The following AKNA variants were observed in gnomAD, a reference collection of about 807,000 sequenced individuals.
AKNA encodes the protein AT-hook transcription factor, also known as microtubule organization protein AKNA.
AKNA carries 67 observed loss-of-function variants against 138.8 expected under a neutral mutation model. The ratio of observed to expected loss-of-function variants is 0.48; its 90% CI spans 0.40 to 0.59. The LOEUF is 0.59. Ranked by LOEUF, AKNA falls within the 20% of genes least tolerant of loss-of-function variation. The pLI, the probability that AKNA is intolerant of heterozygous loss-of-function variation, is 0.00. For synonymous variants in AKNA, 737 were observed against 754.4 expected, an observed-to-expected ratio of 0.98 and a Z score of 0.38; for missense variants, 1,813 against 1,880.4, an observed-to-expected ratio of 0.96 and a Z score of 0.66.
chr9:114,355,982 G>T lies in AKNA; in HGVS notation c.3001C>A (p.Pro1001Thr). 6.2e-7 allele frequency: 1 copy of T among 1,614,214 alleles called. No individual in the cohort carries two copies. The highest frequency in any genetic ancestry group is 8.5e-7 in the Non-Finnish European group (1 of 1,180,038). ...AAGTTGGGTGCCCTCTGCCGGAGAGGCCCACTTGGGCTGGAGAGGTACCTC... is the reference window on the plus strand; with the variant it reads ...AAGTTGGGTGCCCTCTGCCGGAGAGTCCCACTTGGGCTGGAGAGGTACCTC... ...AQRYLSSPSG[P>T]LRQRAPNFSL... is the part of the protein sequence containing the mutation. Residue 1001 changes from proline (P) to threonine (T), a missense_variant, in exon 14 of 22, where the codon CCT (proline) becomes ACT (threonine). By Grantham distance (38) the Pro-to-Thr change is conservative. Transcript: ENST00000374088.
At chr9:114,374,324 T>TTGTG (rs1471365010) in intron 3 of AKNA, among the ~76,000 whole-genome samples, 157 bp from the exon 4 acceptor site, 1 of 152,242 alleles carries the variant, frequency 6.6e-6, no homozygotes, top group African/African-American at 2.4e-5. Flanking sequence ...ATCTTCAGGC[T>TTGTG]TGTGTGCAAC....
In AKNA at chr9:114,377,529, G is replaced by C; in HGVS notation, c.278C>G (p.Ala93Gly). 1.3e-6 allele frequency: 2 copies of C among 1,592,504 alleles called. No individual in the cohort carries two copies. Among genetic ancestry groups the C allele is most frequent in the Non-Finnish European group, 1.7e-6 (2 of 1,169,356 alleles). ...SESGETSGEE[A>G]EAEDVDSPAS... Reference sequence around the variant, plus strand: ...TGGGCTGTCCACATCCTCTGCTTCAGCCTCTGGAAAGACAGGCCATTCACT... The same window carrying C: ...TGGGCTGTCCACATCCTCTGCTTCACCCTCTGGAAAGACAGGCCATTCACT... Residue 93 changes from alanine (A) to glycine (G), a missense_variant, in exon 3 of 22, where the codon GCT becomes GGT. By Grantham distance (60) the Ala-to-Gly change is moderately conservative (BLOSUM62 0). Coordinates refer to ENST00000374088, the MANE Select transcript of AKNA (RefSeq NM_001317950.2).
At chr9:114,361,631 G>A (rs1296465461) in intron 9 of AKNA, 73 bp downstream of exon 9, 8 of 1,489,186 alleles carry the variant, frequency 5.4e-6, no homozygotes, top group Admixed American at 1.7e-5. Context: ...TATGTAATAC[G>A]TATTGAAGAA....
chr9:114,346,093 C>G (rs1301719519), intron 17 of AKNA, 84 bp from the exon 18 acceptor site: 1 of 1,398,856 alleles, frequency 7.1e-7, no homozygotes, highest in Non-Finnish European at 9.9e-7. Flanking sequence ...TGAGTTTAGG[C>G]TCTGGGGTGG....
chr9:114,363,814 T>C (rs534666982), intron 7 of AKNA, among the ~76,000 whole-genome samples: 4 of 152,274 alleles, frequency 2.6e-5, no homozygotes, highest in East Asian at 1.9e-4. Context: ...TCAGTCTTTG[T>C]TGGGTCCCCT....
chr9:114,356,286 C>T, intron 13 of AKNA, 150 bp from the exon 14 acceptor site: 1 of 707,660 alleles, frequency 1.4e-6, no homozygotes, highest in Non-Finnish European at 2.3e-6. Flanking sequence ...CAAGGACACA[C>T]ACACATTAGA....
chr9:114,387,756 C>G (rs1195059879), intron 1 of AKNA, 104 bp downstream of exon 1: 2 of 223,942 alleles, frequency 8.9e-6, no homozygotes, highest in South Asian at 8.1e-5. Flanking sequence ...CTGCAACTTC[C>G]TGGCTGGGCT....
At chr9:114,333,020 T>A, downstream of AKNA, 3 of 1,598,566 alleles carry the variant, frequency 1.9e-6, no homozygotes, top group Non-Finnish European at 2.6e-6. Context: ...TCCCACCCTG[T>A]CCCCATGCCT....
At chr9:114,352,090 G>A (rs996675624) in intron 14 of AKNA, among the ~76,000 whole-genome samples, 1 of 152,158 alleles carries the variant, frequency 6.6e-6, no homozygotes, top group Non-Finnish European at 1.5e-5. Flanking sequence ...GGGGCAGGAG[G>A]GAAGTGGGTG....
intron 6 of AKNA, 107 bp downstream of exon 6, chr9:114,367,436 G>T: frequency 7.3e-7 from 1 of 1,360,742 alleles, no homozygotes; most frequent in Non-Finnish European, 1.0e-6. Flanking sequence ...CAGAGGCAGG[G>T]GAATGACAAG....
intron 13 of AKNA, 68 bp downstream of exon 13, chr9:114,356,795 G>T: frequency 7.4e-7 from 1 of 1,352,934 alleles, no homozygotes; most frequent in Non-Finnish European, 1.0e-6. Flanking sequence ...GGCCATCACA[G>T]GCACTGTGAT....
intron 14 of AKNA, among the ~76,000 whole-genome samples, chr9:114,351,506 T>G (rs1249726): frequency 0.6 from 90,649 of 151,964 alleles, 28,013 homozygotes; most frequent in African/African-American, 0.78. Context: ...CACTAATCCG[T>G]CCCCTGCATT....
At position 114,337,133 on chromosome 9, in the gene AKNA, G is replaced by A; in HGVS notation, c.4241C>T (p.Ser1414Phe). ...RAVQAAESVR[S>F]TTRQMRSSLS... The stretch of plus-strand genomic sequence containing the variant: ...CGAGCTTCTCATCTGCCTGGTGGTA[G>A]AGCGGACGCTCTCGGCAGCCTGCAC... Residue 1414 changes from serine (S) to phenylalanine (F), a missense_variant, in exon 22 of 22, where the codon TCT becomes TTT. Transcript: ENST00000374088. The A allele has an allele frequency of 6.2e-7, 1 of 1,609,382 alleles. No homozygotes were observed. The highest frequency in any genetic ancestry group is 8.5e-7 in the Non-Finnish European group (1 of 1,177,850).
At chr9:114,338,790 C>G (rs968057045) in intron 21 of AKNA, among the ~76,000 whole-genome samples, 3 of 152,226 alleles carry the variant, frequency 2.0e-5, no homozygotes, top group Admixed American at 6.5e-5. Flanking sequence ...AGGTAAAAAG[C>G]TGGCACTGCC....
At chr9:114,355,546 G>C (rs1444143774) in intron 14 of AKNA, among the ~76,000 whole-genome samples, 1 of 152,240 alleles carries the variant, frequency 6.6e-6, no homozygotes, top group African/African-American at 2.4e-5. Context: ...AAACATGTGA[G>C]TGAAGTGTTG....
Position 114,359,786 on chromosome 9 carries a change from C to T in AKNA, c.2300G>A (p.Ser767Asn). Residue 767 changes from serine (S) to asparagine (N), a missense_variant, in exon 11 of 22, where the codon AGT becomes AAT. Coordinates refer to ENST00000374088, the MANE Select transcript of AKNA (RefSeq NM_001317950.2). The part of the protein sequence containing the change: ...VYHGLMERYL[S>N]VKSLPEAMRM... Reference sequence around the variant, plus strand: ...CATGGCTTCTGGGAGAGACTTCACACTGAGGTACCTGCAGAAGAACACACA... The same window carrying T: ...CATGGCTTCTGGGAGAGACTTCACATTGAGGTACCTGCAGAAGAACACACA... 6.3e-7 allele frequency: 1 copy of T among 1,599,176 alleles called. No individual in the cohort carries two copies. The highest frequency in any genetic ancestry group is 1.7e-5 in the Admixed American group (1 of 59,364).
rs773094084 is a variant in AKNA at position 114,347,768 on chromosome 9, G to A, written c.3354C>T (p.Gly1118=). 1.9e-6 allele frequency: 3 copies of A among 1,542,620 alleles called. No homozygotes were observed. The highest frequency in any genetic ancestry group is 2.6e-6 in the Non-Finnish European group (3 of 1,142,942). Reference sequence around the variant, plus strand: ...AGGTGGCTGGGGAGTCTGCTGGCCGGCCGCGGGTCCGGGCGGGGCGGTCAA... The same window carrying A: ...AGGTGGCTGGGGAGTCTGCTGGCCGACCGCGGGTCCGGGCGGGGCGGTCAA... ...SAFDRPARTR[G]RPADSPATWG... Residue 1118 remains glycine, a synonymous_variant, in exon 16 of 22, where the codon GGC becomes GGT. Coordinates refer to ENST00000374088, the MANE Select transcript of AKNA (RefSeq NM_001317950.2).
downstream of AKNA, chr9:114,331,564 C>G (rs79569527): frequency 1.2e-6 from 2 of 1,612,126 alleles, no homozygotes; most frequent in Non-Finnish European, 1.7e-6. Flanking sequence ...TTTTCTCTTC[C>G]AGAGGGAGGC....
rs764595457 is a variant in AKNA at position 114,337,107 on chromosome 9, G to A, written c.4267C>T (p.Leu1423=). 1 of 1,602,792 alleles carries A rather than the reference G, an allele frequency of 6.2e-7. No individual in the cohort carries two copies. The highest frequency in any genetic ancestry group is 2.3e-5 in the East Asian group (1 of 44,400). The stretch of plus-strand genomic sequence containing the variant: ...TGAGCCTGGCGCAGGTCGGCTGACA[G>A]CGAGCTTCTCATCTGCCTGGTGGTA... ...RSTTRQMRSS[L]SADLRQAHSL... Residue 1423 remains leucine (L), a synonymous_variant, in exon 22 of 22, where the codon CTG becomes TTG. Transcript: ENST00000374088.
Sources: allele counts gnomAD v4.1 joint callset (sites outside exome capture counted in the v4.1 genomes callset), GRCh38; gene constraint gnomAD v4.1.1; transcripts MANE v1.5; gene names NCBI Gene and HGNC (gene_info 2026-07-23, HGNC 2026-07-21).